UIMC1: variants seen among roughly 807,000 people sequenced by gnomAD.
UIMC1 encodes the protein BRCA1-A complex subunit RAP80.
A neutral mutation model predicts 84.9 loss-of-function variants in UIMC1; 42 were observed. That is an observed-to-expected ratio of 0.49 (90% CI 0.39 to 0.64). The LOEUF (loss-of-function observed/expected upper bound fraction) is 0.64. UIMC1 is among the 30% of genes least tolerant of loss of function. UIMC1 has a pLI of 0.00. For synonymous variants in UIMC1, 281 were observed against 293.0 expected (o/e 0.96, Z 0.42); for missense variants, 825 against 847.6 (o/e 0.97, Z 0.33).
chr5:176,946,661 C>G (rs1314860085), intron 9 of UIMC1, among the ~76,000 whole-genome samples: 1 of 152,064 alleles, frequency 6.6e-6, no homozygotes, highest in African/African-American at 2.4e-5. Context: ...GTGGCAAAAC[C>G]CTGTCTCTAC....
At chr5:176,964,743 A>G (rs1768028346) in intron 6 of UIMC1, among the ~76,000 whole-genome samples, 1 of 152,182 alleles carries the variant, frequency 6.6e-6, no homozygotes, top group African/African-American at 2.4e-5. Flanking sequence ...TATTAAAGTT[A>G]ATGTCTATAT....
intron 10 of UIMC1, among the ~76,000 whole-genome samples, chr5:176,930,247 T>C (rs180718955): frequency 0.011 from 1,635 of 152,314 alleles, 10 homozygotes; most frequent in South Asian, 0.025. Context: ...ATTACCTTTA[T>C]CTTCTTTTTA....
At chr5:177,013,361 AACAC>A (rs6149367) in intron 1 of UIMC1, among the ~76,000 whole-genome samples, 2,685 of 137,770 alleles carry the variant, frequency 0.019, 60 homozygotes, top group African/African-American at 0.057. Context: ...ACTGCATCCA[AACAC>A]ACACACACAC....
At chr5:176,997,032 G>A (rs967129017) in intron 1 of UIMC1, among the ~76,000 whole-genome samples, 34 of 151,352 alleles carry the variant, frequency 2.2e-4, no homozygotes, top group African/African-American at 6.6e-4. Context: ...GCACGCGTGC[G>A]CACACACACA....
intron 10 of UIMC1, among the ~76,000 whole-genome samples, chr5:176,914,850 G>A (rs1760765574): frequency 6.6e-6 from 1 of 152,148 alleles, no homozygotes; most frequent in East Asian, 1.9e-4. Flanking sequence ...ATCCAGGACA[G>A]AACCAGCCTC....
At chr5:176,933,137 G>A (rs1329793178) in intron 10 of UIMC1, among the ~76,000 whole-genome samples, 2 of 152,172 alleles carry the variant, frequency 1.3e-5, no homozygotes, top group Admixed American at 1.3e-4. Flanking sequence ...ACTGACGGGT[G>A]AGTGAAACAA....
chr5:176,914,039 CACCATACCATACCATACCAT>C (rs79787456), intron 10 of UIMC1, among the ~76,000 whole-genome samples: 1 of 139,882 alleles, frequency 7.1e-6, no homozygotes, highest in African/African-American at 2.8e-5. Context: ...CCATACCATA[CACCATACCATACCATACCAT>C]ACCATACCAT....
chr5:176,981,878 CA>C (rs1480055189), intron 2 of UIMC1, among the ~76,000 whole-genome samples: 1 of 152,082 alleles, frequency 6.6e-6, no homozygotes, highest in Non-Finnish European at 1.5e-5. Flanking sequence ...GACCTGCAGG[CA>C]GGCAGAAAAC....
In UIMC1 at chr5:176,970,820, C is replaced by G; in HGVS notation, c.279G>C (p.Glu93Asp). ...EQFALALKMS[E>D]QEAREVNSQE... The stretch of plus-strand genomic sequence containing the variant: ...GGCTGTTCACCTCCCTAGCTTCCTG[C>G]TCACTCATTTTGAGAGCCAGAGCAA... The change falls in exon 4 of 15, where the codon GAG becomes GAC. Residue 93 changes from glutamate (E) to aspartate (D), a missense_variant. Transcript: ENST00000511320. 6.2e-7 allele frequency: 1 copy of G among 1,614,094 alleles called. No individual in the cohort carries two copies. The highest frequency in any genetic ancestry group is 1.6e-4 in the Middle Eastern group (1 of 6,062).
intron 10 of UIMC1, among the ~76,000 whole-genome samples, chr5:176,917,993 C>T (rs916460531): frequency 6.6e-6 from 1 of 152,142 alleles, no homozygotes; most frequent in African/African-American, 2.4e-5. Context: ...TTCCTCAGTC[C>T]CATGAGCCAC....
chr5:177,016,068 A>G (rs992544717), intron 1 of UIMC1, among the ~76,000 whole-genome samples: 1 of 151,962 alleles, frequency 6.6e-6, no homozygotes, highest in Non-Finnish European at 1.5e-5. Context: ...CTCCATCTCA[A>G]AAAAGAAAAA....
chr5:176,974,563 T>G (rs1769761466), intron 3 of UIMC1, among the ~76,000 whole-genome samples: 1 of 152,164 alleles, frequency 6.6e-6, no homozygotes, highest in Non-Finnish European at 1.5e-5. Context: ...ACTTCTGTTC[T>G]AGCCAGGCAT....
chr5:176,945,306 A>G (rs556431393), intron 9 of UIMC1, among the ~76,000 whole-genome samples: 173 of 152,324 alleles, frequency 1.1e-3, no homozygotes, highest in Non-Finnish European at 2.3e-3. Flanking sequence ...GAAAAGTTGT[A>G]AAGCTTAAAA....
At chr5:176,995,683 AAC>A (rs1174979722) in intron 1 of UIMC1, among the ~76,000 whole-genome samples, 1 of 151,812 alleles carries the variant, frequency 6.6e-6, no homozygotes, top group Admixed American at 6.6e-5. Flanking sequence ...CTCTACTACA[AAC>A]ACAAAAAATT....
chr5:177,007,732 AG>A (rs1318227739), upstream of UIMC1, among the ~76,000 whole-genome samples: 12 of 152,320 alleles, frequency 7.9e-5, no homozygotes, highest in Non-Finnish European at 1.6e-4. Flanking sequence ...GTAATGGTAA[AG>A]GGGTGAAAGA....
intron 10 of UIMC1, among the ~76,000 whole-genome samples, chr5:176,916,651 TAAAC>T (rs1341612531): frequency 7.2e-5 from 11 of 152,236 alleles, no homozygotes; most frequent in African/African-American, 2.7e-4. Context: ...AAGCACTCAG[TAAAC>T]ATTAGTTTTA....
chr5:176,977,765 G>T (rs538085925), intron 2 of UIMC1, among the ~76,000 whole-genome samples: 1 of 151,418 alleles, frequency 6.6e-6, no homozygotes, highest in East Asian at 2.0e-4. Context: ...CAAAAATTGC[G>T]CAGGTGTGGT....
intron 10 of UIMC1, among the ~76,000 whole-genome samples, chr5:176,930,216 G>A (rs1762917259): frequency 6.6e-6 from 1 of 152,054 alleles, no homozygotes; most frequent in East Asian, 1.9e-4. Flanking sequence ...CCCCAGAGGT[G>A]GCCTTTATTC....
chr5:176,977,904 C>T (rs916920943), intron 2 of UIMC1, among the ~76,000 whole-genome samples: 2 of 151,530 alleles, frequency 1.3e-5, no homozygotes, highest in African/African-American at 4.9e-5. Flanking sequence ...GAGCGAGACT[C>T]CATCTCAAAA....
Sources: gnomAD v4.1 joint callset for allele counts (sites outside exome capture counted in the v4.1 genomes callset) on GRCh38, gnomAD v4.1.1 for gene constraint, MANE v1.5 for transcripts, NCBI Gene and HGNC (gene_info 2026-07-23, HGNC 2026-07-21) for gene names.